ZMYND8: variants seen among roughly 807,000 people sequenced by gnomAD.
ZMYND8 encodes MYND-type zinc finger-containing chromatin reader ZMYND8.
ZMYND8 carries 37 observed loss-of-function variants against 140.8 expected under a neutral mutation model. That is an observed-to-expected ratio of 0.26 (90% CI 0.20 to 0.35). ZMYND8 has a LOEUF of 0.35. ZMYND8 is among the 10% of genes least tolerant of loss of function. The pLI, the probability that ZMYND8 is intolerant of heterozygous loss-of-function variation, is 1.00. For missense variants in ZMYND8, 1,068 were observed against 1,570.0 expected (o/e 0.68, Z 5.40); for synonymous variants, 592 against 597.1 (o/e 0.99, Z 0.12).
chr20:47,229,632 G>C, intron 17 of ZMYND8, 94 bp downstream of exon 17: 1 of 1,207,512 alleles, frequency 8.3e-7, no homozygotes, highest in Non-Finnish European at 1.2e-6. Context: ...CAGGACCCCA[G>C]AGGGGTTTCC....
chr20:47,222,054 T>A lies in ZMYND8; in HGVS notation c.3257-580A>T, dbSNP rs1048085504. On this transcript the variant is annotated intron_variant, in intron 19 of 22. Coordinates refer to ENST00000471951, the MANE Select transcript of ZMYND8 (RefSeq NM_001281775.3). ...ATATTCCTGGAACAAATAAAGCCCA[T>A]CAACAAGAGCCAACCTGTAACTGCT... Among the ~76,000 whole-genome samples, 4 of 151,988 alleles carry A rather than the reference T, an allele frequency of 2.6e-5. No individual in the cohort carries two copies. In the East Asian group the frequency reaches 7.7e-4, roughly 29 times the overall value.
intron 10 of ZMYND8, among the ~76,000 whole-genome samples, chr20:47,277,332 GC>G (rs2076315451): frequency 6.6e-6 from 1 of 152,216 alleles, no homozygotes; most frequent in Non-Finnish European, 1.5e-5. Flanking sequence ...CCCATCCCAG[GC>G]CAGTTCCATC....
chr20:47,345,576 T>C (rs1479475903), intron 2 of ZMYND8, among the ~76,000 whole-genome samples: 2 of 151,580 alleles, frequency 1.3e-5, no homozygotes, highest in Admixed American at 6.6e-5. Flanking sequence ...GGCGTGGTCT[T>C]GGCTCACTGC....
At chr20:47,279,105 C>T (rs2076438488) in intron 10 of ZMYND8, among the ~76,000 whole-genome samples, 1 of 152,162 alleles carries the variant, frequency 6.6e-6, no homozygotes, top group Admixed American at 6.5e-5. Flanking sequence ...CTAAGGCGCT[C>T]ACTGTTCCCT....
At chr20:47,267,482 G>A (rs1344948214) in intron 11 of ZMYND8, among the ~76,000 whole-genome samples, 2 of 101,146 alleles carry the variant, frequency 2.0e-5, no homozygotes, top group Non-Finnish European at 4.1e-5. Flanking sequence ...GTCTAAAATG[G>A]TTCAGGGCCG....
chr20:47,231,485 G>A (rs932738852), intron 16 of ZMYND8, among the ~76,000 whole-genome samples: 6 of 152,184 alleles, frequency 3.9e-5, no homozygotes, highest in East Asian at 1.9e-4. Context: ...ACTGCAGCTC[G>A]TTACCTGCCA....
intron 14 of ZMYND8, among the ~76,000 whole-genome samples, chr20:47,244,783 G>A (rs1240434178): frequency 6.6e-6 from 1 of 152,176 alleles, no homozygotes; most frequent in East Asian, 1.9e-4. Context: ...AAGGCCAGAC[G>A]CAGTAGCTCA....
At chr20:47,262,181 T>C (rs958144441) in intron 12 of ZMYND8, 107 bp downstream of exon 12, 50 of 1,496,552 alleles carry the variant, frequency 3.3e-5, no homozygotes, top group Non-Finnish European at 4.4e-5. Flanking sequence ...ATTTTTTGCA[T>C]AGAGAAAAGA....
chr20:47,235,940 T>TTA (rs1381078604), intron 16 of ZMYND8, among the ~76,000 whole-genome samples: 2 of 152,186 alleles, frequency 1.3e-5, no homozygotes. Flanking sequence ...AGTCTCATGT[T>TTA]TAAGTCTCTG....
At chr20:47,305,388 G>A (rs1162963653) in intron 3 of ZMYND8, among the ~76,000 whole-genome samples, 2 of 151,794 alleles carry the variant, frequency 1.3e-5, no homozygotes, top group Non-Finnish European at 2.9e-5. Flanking sequence ...TTACAGGTGC[G>A]CACCACCATG....
Position 47,221,375 on chromosome 20 carries a change from T to A in ZMYND8, c.3356A>T (p.Glu1119Val), listed in dbSNP as rs1182315756. The A allele has an allele frequency of 6.2e-7, 1 of 1,614,238 alleles. No homozygotes were observed. Among genetic ancestry groups the A allele is most frequent in the Admixed American group, 1.7e-5 (1 of 60,026 alleles). The part of the protein sequence containing the change: ...SSSSTQSAPS[E>V]TASASKEKET... ...CTTCTCTTTGGAGGCGCTGGCCGTT[T>A]CTGAAGGTGCTGATTGTGTGCTCGA... is the stretch of plus-strand genomic sequence containing the variant. Residue 1119 changes from glutamate to valine, a missense_variant, in exon 20 of 23, where the codon GAA becomes GTA. By Grantham distance (121) the Glu-to-Val change is moderately radical. This residue lies in a region of ZMYND8 where 180 missense variants were observed against 187.8 expected (regional missense o/e 0.96). Coordinates refer to ENST00000471951, the MANE Select transcript of ZMYND8 (RefSeq NM_001281775.3).
At chr20:47,291,647 C>A in intron 6 of ZMYND8, 149 bp downstream of exon 6, 1 of 469,764 alleles carries the variant, frequency 2.1e-6, no homozygotes, top group South Asian at 5.6e-5. Context: ...ATCAAGAGTT[C>A]TTCTATCCAA....
chr20:47,219,055 A>ATTTTTTTTTT lies in ZMYND8; in HGVS notation c.3484+1193_3484+1202dup, dbSNP rs3092175. Among the ~76,000 whole-genome samples the ATTTTTTTTTT allele has an allele frequency of 3.4e-3, 376 of 110,884 alleles. 13 individuals carry two copies. Among genetic ancestry groups the ATTTTTTTTTT allele is most frequent in the African/African-American group, 7.4e-3 (222 of 29,880 alleles). The allele number at this position is 110,884 out of a possible 152,430, so 72.7% of individuals were successfully genotyped here. A position where few individuals can be genotyped will look rare whatever the true frequency, so the allele number is the denominator to read the frequency against. On this transcript the variant is annotated intron_variant, in intron 21 of 22. Transcript: ENST00000471951. ...AACATGGCAAAACCCCGTTTCTACA[A>ATTTTTTTTTT]TTTTTTTTTTTTTTTTTTTTGAGAG...
chr20:47,351,983 C>T, intron 1 of ZMYND8: 1 of 985,398 alleles, frequency 1.0e-6, no homozygotes, highest in Non-Finnish European at 1.2e-6. Context: ...TCACAGGTTC[C>T]TAAGGAAAAG....
intron 2 of ZMYND8, among the ~76,000 whole-genome samples, chr20:47,321,592 T>C (rs2148356807): frequency 6.6e-6 from 1 of 152,260 alleles, no homozygotes; most frequent in South Asian, 2.1e-4. Flanking sequence ...CATGTATTCA[T>C]TAAGAAGGAA....
intron 14 of ZMYND8, among the ~76,000 whole-genome samples, chr20:47,239,770 C>T (rs1302183172): frequency 6.6e-6 from 1 of 152,212 alleles, no homozygotes; most frequent in East Asian, 1.9e-4. Context: ...CCAGAACCTT[C>T]CCCCAACGCA....
In ZMYND8 at chr20:47,309,360, C is replaced by A. The variant is rs532443444; in HGVS notation, c.234+696G>T. Among the ~76,000 whole-genome samples, 277 of 151,966 alleles carry A rather than the reference C, an allele frequency of 1.8e-3. 2 individuals are homozygous for A. The highest frequency in any genetic ancestry group is 5.9e-4 in the Non-Finnish European group (40 of 67,996). On this transcript the variant is annotated intron_variant, in intron 3 of 22. Coordinates refer to ENST00000471951, the MANE Select transcript of ZMYND8 (RefSeq NM_001281775.3). ...CTCGCTCTGTCACCAGGCTGGAGTG[C>A]AGTGGCGCGATCTCGGCTCACTGCA...
intron 11 of ZMYND8, among the ~76,000 whole-genome samples, chr20:47,262,858 C>T (rs961008783): frequency 1.1e-4 from 16 of 152,178 alleles, no homozygotes; most frequent in Admixed American, 5.9e-4. Context: ...CCAGCTCACA[C>T]GCAGCCACTG....
At chr20:47,331,803 G>A (rs541120171) in intron 2 of ZMYND8, among the ~76,000 whole-genome samples, 1 of 152,286 alleles carries the variant, frequency 6.6e-6, no homozygotes, top group East Asian at 1.9e-4. Context: ...CCCTGGAAAA[G>A]GCAACACAGA....
Sources: allele counts gnomAD v4.1 joint callset (sites outside exome capture counted in the v4.1 genomes callset), GRCh38; gene constraint gnomAD v4.1.1; regional missense constraint gnomAD v4.1.1; transcripts MANE v1.5; gene names NCBI Gene and HGNC (gene_info 2026-07-23, HGNC 2026-07-21).